The following ALK variants were observed in gnomAD, a reference collection of about 807,000 sequenced individuals.
The protein encoded by ALK is ALK tyrosine kinase receptor.
ALK carries 74 observed loss-of-function variants against 163.1 expected under a neutral mutation model. The observed-to-expected ratio is 0.45, with a 90% CI of 0.38 to 0.55. ALK has a LOEUF of 0.55. Among genes scored for constraint, ALK ranks in the 20% least tolerant of loss-of-function variants. The pLI is 0.00. For missense variants in ALK, 2,063 were observed against 2,105.3 expected, an observed-to-expected ratio of 0.98 and a Z score of 0.39; for synonymous variants, 960 against 843.2, an observed-to-expected ratio of 1.14 and a Z score of -2.40.
intron 5 of ALK, among the ~76,000 whole-genome samples, chr2:29,344,621 T>C (rs1393760557): frequency 6.6e-6 from 1 of 152,372 alleles, no homozygotes; most frequent in African/African-American, 2.4e-5. Flanking sequence ...ATCCAATGCA[T>C]GACCTGTCAA....
chr2:29,499,854 T>A (rs936744071), intron 4 of ALK, among the ~76,000 whole-genome samples: 5 of 152,148 alleles, frequency 3.3e-5, no homozygotes, highest in Non-Finnish European at 7.3e-5. Flanking sequence ...CTTTCTCTTG[T>A]CACCCTTGCC....
rs1553389064 is a variant in ALK, at chr2:29,200,760, T to TGTACATATATAC, written c.3939-3085_3939-3084insGTATATATGTAC. ...ATATACGTATATATATACGTATATA[T>TGTACATATATAC]GTATATATATACGTATATATATGTA... On this transcript the variant is annotated intron_variant, in intron 26 of 28. Transcript: ENST00000389048. Among the ~76,000 whole-genome samples the TGTACATATATAC allele has an allele frequency of 5.3e-3, 558 of 104,940 alleles. 22 individuals carry two copies. The highest frequency in any genetic ancestry group is 0.029 in the African/African-American group (532 of 18,452). 68.8% of individuals were successfully genotyped at this position (104,940 alleles called of 152,430 possible). A position where few individuals can be genotyped will look rare whatever the true frequency, so the allele number is the denominator to read the frequency against.
At chr2:29,329,029 G>A (rs565807257) in intron 5 of ALK, among the ~76,000 whole-genome samples, 1 of 152,256 alleles carries the variant, frequency 6.6e-6, no homozygotes, top group East Asian at 1.9e-4. Flanking sequence ...CTCAGATCTG[G>A]ACTTGGATCC....
intron 1 of ALK, among the ~76,000 whole-genome samples, chr2:29,902,623 T>G (rs1418010572): frequency 6.6e-6 from 1 of 152,130 alleles, no homozygotes; most frequent in Non-Finnish European, 1.5e-5. Flanking sequence ...AAATCTCTTC[T>G]CCAAACTGAG....
chr2:29,231,097 G>A (rs1664190415), intron 15 of ALK, among the ~76,000 whole-genome samples: 1 of 152,176 alleles, frequency 6.6e-6, no homozygotes, highest in Non-Finnish European at 1.5e-5. Context: ...CAGCACTTTG[G>A]GAGGCCGAGG....
intron 3 of ALK, among the ~76,000 whole-genome samples, chr2:29,636,337 GAAAGAAAAGAAAAGAAAAGAAAAGA>G (rs149544557): frequency 0.65 from 95,661 of 147,740 alleles, 31,546 homozygotes; most frequent in Middle Eastern, 0.76. Flanking sequence ...AATAAAGAAA[GAAAGAAAAGAAAAGAAAAGAAAAGA>G]AAAGAAAAGA....
intron 26 of ALK, among the ~76,000 whole-genome samples, chr2:29,202,920 C>T (rs2148148357): frequency 6.6e-6 from 1 of 152,294 alleles, no homozygotes; most frequent in Non-Finnish European, 1.5e-5. Flanking sequence ...AATGTATTTA[C>T]TTAAAAATAG....
At chr2:29,439,959 T>G (rs939401194) in intron 4 of ALK, among the ~76,000 whole-genome samples, 1 of 152,044 alleles carries the variant, frequency 6.6e-6, no homozygotes, top group African/African-American at 2.4e-5. Context: ...TGGCCGGGCA[T>G]GGTGGCTCAC....
intron 3 of ALK, among the ~76,000 whole-genome samples, chr2:29,675,979 G>A (rs973622615): frequency 6.6e-6 from 1 of 151,974 alleles, no homozygotes; most frequent in Non-Finnish European, 1.5e-5. Flanking sequence ...TCCTGCATTG[G>A]CCTCCCAAAG....
intron 3 of ALK, among the ~76,000 whole-genome samples, chr2:29,572,587 C>T (rs753852377): frequency 1.2e-4 from 19 of 152,156 alleles, no homozygotes; most frequent in Middle Eastern, 3.2e-3. Flanking sequence ...ATTATATTCT[C>T]ATAGCAGCCT....
intron 7 of ALK, among the ~76,000 whole-genome samples, chr2:29,318,614 C>A (rs537294541): frequency 6.6e-6 from 1 of 151,388 alleles, no homozygotes; most frequent in Non-Finnish European, 1.5e-5. Context: ...TAGCTCAGAC[C>A]GGAGTGCAGT....
chr2:29,496,941 T>C (rs1424414172), intron 4 of ALK, among the ~76,000 whole-genome samples: 1 of 152,164 alleles, frequency 6.6e-6, no homozygotes, highest in African/African-American at 2.4e-5. Context: ...ACCACAATCA[T>C]CATCACATTC....
intron 3 of ALK, among the ~76,000 whole-genome samples, chr2:29,639,150 A>C (rs1164209927): frequency 6.6e-6 from 1 of 152,174 alleles, no homozygotes; most frequent in Non-Finnish European, 1.5e-5. Flanking sequence ...ATTTCAGGAC[A>C]GGTTACAGGG....
intron 1 of ALK, among the ~76,000 whole-genome samples, chr2:29,874,251 G>A (rs1245119293): frequency 1.2e-5 from 1 of 81,250 alleles, no homozygotes. Flanking sequence ...CCCCACCCCC[G>A]CCACCCAGGA....
intron 3 of ALK, among the ~76,000 whole-genome samples, chr2:29,579,919 G>A (rs1265463263): frequency 1.3e-5 from 2 of 152,190 alleles, no homozygotes; most frequent in Non-Finnish European, 2.9e-5. Context: ...CTTCAGAACA[G>A]TATTAAATTA....
intron 4 of ALK, among the ~76,000 whole-genome samples, chr2:29,464,285 T>C (rs1369381116): frequency 6.6e-6 from 1 of 152,188 alleles, no homozygotes; most frequent in Non-Finnish European, 1.5e-5. Context: ...AACAGCTTAT[T>C]ATAAACCTTA....
chr2:29,751,525 G>A (rs1680366741), intron 1 of ALK, among the ~76,000 whole-genome samples: 1 of 152,096 alleles, frequency 6.6e-6, no homozygotes, highest in South Asian at 2.1e-4. Flanking sequence ...TATGGAGTGT[G>A]AGCATCTCAG....
intron 1 of ALK, among the ~76,000 whole-genome samples, chr2:29,795,945 T>C (rs1364062081): frequency 1.3e-5 from 2 of 152,180 alleles, no homozygotes; most frequent in African/African-American, 4.8e-5. Flanking sequence ...AGGATGAGGT[T>C]GACAACGGCC....
chr2:29,223,845 AT>A (rs1044862976), intron 19 of ALK: 20 of 427,068 alleles, frequency 4.7e-5, no homozygotes, highest in African/African-American at 3.7e-4. Context: ...TGGTCTGCAG[AT>A]TTTATTAGAA....
Sources: allele counts gnomAD v4.1 joint callset (sites outside exome capture counted in the v4.1 genomes callset), GRCh38; gene constraint gnomAD v4.1.1; transcripts MANE v1.5; gene names NCBI Gene and HGNC (gene_info 2026-07-23, HGNC 2026-07-21).